The following SPECC1 variants were observed in gnomAD, a reference collection of about 807,000 sequenced individuals.
The protein encoded by SPECC1 is sperm antigen with calponin homology and coiled-coil domains 1, also known as cytospin-B.
SPECC1 carries 62 observed loss-of-function variants against 104.1 expected under a neutral mutation model. The observed-to-expected ratio is 0.60, with a 90% CI of 0.49 to 0.74. SPECC1 has a LOEUF of 0.74. Ranked by LOEUF, SPECC1 falls within the 30% of genes least tolerant of loss-of-function variation. The pLI, the probability that SPECC1 is intolerant of heterozygous loss-of-function variation, is 0.00. For missense variants in SPECC1, 1,306 were observed against 1,310.5 expected (o/e 1.00, Z 0.05); for synonymous variants, 513 against 501.6 (o/e 1.02, Z -0.30).
Position 20,317,535 on chromosome 17 carries a change from AG to A in SPECC1, c.*3474del, listed in dbSNP as rs1413008424. Reference sequence around the variant, plus strand: ...CAACCTCCCAAAGTGCTGGGACTACAGGGGTAAGCCACCGCGCCTGGCCCAA... The same window carrying A: ...CAACCTCCCAAAGTGCTGGGACTACAGGGTAAGCCACCGCGCCTGGCCCAA... On this transcript the variant is annotated 3_prime_UTR_variant, in exon 15 of 15. Coordinates refer to ENST00000395527, the MANE Select transcript of SPECC1 (RefSeq NM_001243439.2). 5.3e-6 allele frequency: 1 copy of A among 187,178 alleles called. No homozygotes were observed. Among genetic ancestry groups the A allele is most frequent in the Non-Finnish European group, 1.1e-5 (1 of 88,810 alleles). 11.6% of individuals were successfully genotyped at this position (187,178 alleles called of 1,614,324 possible). A position where few individuals can be genotyped will look rare whatever the true frequency, so the allele number is the denominator to read the frequency against.
At chr17:20,052,637 T>C (rs993918797) in intron 1 of SPECC1, among the ~76,000 whole-genome samples, 9 of 152,172 alleles carry the variant, frequency 5.9e-5, no homozygotes, top group African/African-American at 2.2e-4. Flanking sequence ...CTGATGGAGA[T>C]TTCCATAGAG....
At chr17:20,267,156 C>T (rs925782103) in intron 12 of SPECC1, among the ~76,000 whole-genome samples, 3 of 152,178 alleles carry the variant, frequency 2.0e-5, no homozygotes, top group African/African-American at 4.8e-5. Flanking sequence ...CCCTTCCTCA[C>T]ATTCTGCTCA....
chr17:20,045,935 C>T (rs375639108), intron 1 of SPECC1, among the ~76,000 whole-genome samples: 6 of 151,522 alleles, frequency 4.0e-5, no homozygotes, highest in Admixed American at 3.9e-4. Context: ...CTTTTCCTCC[C>T]CCTCTGTTAA....
At position 20,313,976 on chromosome 17, in the gene SPECC1, G is replaced by A. The variant is rs767464509; in HGVS notation, c.3118G>A (p.Glu1040Lys). The change falls in exon 15 of 15, where the codon GAA becomes AAA. Residue 1040 changes from glutamate (E) to lysine (K), a missense_variant and splice_region_variant. Coordinates refer to ENST00000395527, the MANE Select transcript of SPECC1 (RefSeq NM_001243439.2). ...AESVGIKPSLELSEMLYTDRP... is the reference protein window; with the variant it reads ...AESVGIKPSLKLSEMLYTDRP... ...TGTCCCCCATTCCCTTCCCCTGCAG[G>A]AACTCAGCGAGATGCTGTACACAGA... The A allele has an allele frequency of 6.2e-7, 1 of 1,614,064 alleles. No individual in the cohort carries two copies. Among genetic ancestry groups the A allele is most frequent in the South Asian group, 1.1e-5 (1 of 91,046 alleles).
At chr17:20,026,551 T>C (rs558245115) in intron 1 of SPECC1, among the ~76,000 whole-genome samples, 1 of 150,066 alleles carries the variant, frequency 6.7e-6, no homozygotes, top group East Asian at 2.0e-4. Flanking sequence ...CTTTTTGTGC[T>C]TTACTTATTT....
intron 3 of SPECC1, among the ~76,000 whole-genome samples, chr17:20,158,705 T>A (rs1348496939): frequency 6.6e-6 from 1 of 152,242 alleles, no homozygotes; most frequent in Non-Finnish European, 1.5e-5. Flanking sequence ...TGCCAACAGC[T>A]GGAAGCTGTC....
At chr17:20,273,981 G>A (rs536704673) in intron 12 of SPECC1, among the ~76,000 whole-genome samples, 2 of 152,252 alleles carry the variant, frequency 1.3e-5, no homozygotes, top group East Asian at 3.9e-4. Context: ...CCATCAGCCT[G>A]GAGGCCTCAG....
At chr17:20,141,381 CTCT>C (rs1488870140) in intron 3 of SPECC1, among the ~76,000 whole-genome samples, 1 of 152,164 alleles carries the variant, frequency 6.6e-6, no homozygotes, top group South Asian at 2.1e-4. Context: ...CCTTTATCTC[CTCT>C]TCTTCAAAGA....
intron 1 of SPECC1, among the ~76,000 whole-genome samples, chr17:20,033,941 T>A (rs948297963): frequency 1.3e-5 from 2 of 152,208 alleles, no homozygotes; most frequent in Admixed American, 1.3e-4. Flanking sequence ...GCTCTCTTCC[T>A]AAACAGTTAG....
In SPECC1 at chr17:20,032,396, A is replaced by T. The variant is rs560173209; in HGVS notation, c.-22+22972A>T. ...TCTGCTTCCGGTACTCTCAGTATGC[A>T]TATGTTAATGTGATTAATGGTGTGC... is the stretch of plus-strand genomic sequence containing the variant. On this transcript the variant is annotated intron_variant, in intron 1 of 14. Transcript: ENST00000395527. Among the ~76,000 whole-genome samples, 31 of 133,068 alleles carry T rather than the reference A, an allele frequency of 2.3e-4. No homozygotes were observed. In the South Asian group the frequency reaches 5.7e-3, roughly 25 times the overall value. 87.3% of individuals were successfully genotyped at this position (133,068 alleles called of 152,430 possible).
chr17:20,093,958 T>G (rs2047528171), intron 1 of SPECC1, among the ~76,000 whole-genome samples: 1 of 152,044 alleles, frequency 6.6e-6, no homozygotes, highest in South Asian at 2.1e-4. Context: ...CTCGAACTCC[T>G]GAGCACAGGC....
At chr17:20,158,231 A>G (rs950079563) in intron 3 of SPECC1, among the ~76,000 whole-genome samples, 5 of 152,190 alleles carry the variant, frequency 3.3e-5, no homozygotes, top group African/African-American at 1.2e-4. Context: ...CCAAAAGGAT[A>G]TAAGGGGGAA....
chr17:20,099,511 C>CAAA (rs56285234), intron 2 of SPECC1, among the ~76,000 whole-genome samples: 8 of 91,778 alleles, frequency 8.7e-5, no homozygotes, highest in Admixed American at 1.3e-4. Context: ...TGTCTTTACC[C>CAAA]AAAAAAAAAA....
In SPECC1 at chr17:20,285,831, T is replaced by C. The variant is rs1413417968; in HGVS notation, c.2941-11130T>C. Among the ~76,000 whole-genome samples the C allele has an allele frequency of 9.2e-4, 139 of 151,440 alleles. 1 individual carries two copies. Among genetic ancestry groups the C allele is most frequent in the Non-Finnish European group, 1.3e-3 (85 of 67,766 alleles). Reference sequence around the variant, plus strand: ...TCTTCCTTCCTTCCTTTTTTTTTTTTTGATAGGGTCTCGCTCTACCACCCA... The same window carrying C: ...TCTTCCTTCCTTCCTTTTTTTTTTTCTGATAGGGTCTCGCTCTACCACCCA... On this transcript the variant is annotated intron_variant, in intron 12 of 14. Transcript: ENST00000395527.
intron 12 of SPECC1, among the ~76,000 whole-genome samples, chr17:20,285,457 T>G (rs951487916): frequency 3.3e-5 from 5 of 152,198 alleles, no homozygotes; most frequent in African/African-American, 1.2e-4. Flanking sequence ...ATAACCAGTT[T>G]TGGAGATGGT....
chr17:20,077,449 CT>C (rs939295547), intron 1 of SPECC1, among the ~76,000 whole-genome samples: 3 of 151,208 alleles, frequency 2.0e-5, no homozygotes, highest in East Asian at 1.9e-4. Flanking sequence ...GCTTTTGTGG[CT>C]TTTTTTTGTT....
intron 1 of SPECC1, among the ~76,000 whole-genome samples, chr17:20,087,733 G>A (rs1343184729): frequency 2.6e-5 from 4 of 152,162 alleles, no homozygotes; most frequent in Non-Finnish European, 5.9e-5. Flanking sequence ...CTGCTATCAC[G>A]GACCTTCCCT....
At chr17:20,313,659 A>C (rs901736229) in intron 14 of SPECC1, among the ~76,000 whole-genome samples, 1 of 152,228 alleles carries the variant, frequency 6.6e-6, no homozygotes, top group Non-Finnish European at 1.5e-5. Flanking sequence ...AGAAACTTGG[A>C]AATCATTTTA....
chr17:20,029,263 T>C (rs1036311485), intron 1 of SPECC1, among the ~76,000 whole-genome samples: 19 of 152,208 alleles, frequency 1.2e-4, no homozygotes, highest in African/African-American at 4.1e-4. Context: ...GTTTTTATTC[T>C]TTTTGATGTT....
Sources: gnomAD v4.1 joint callset for allele counts (sites outside exome capture counted in the v4.1 genomes callset) on GRCh38, gnomAD v4.1.1 for gene constraint, MANE v1.5 for transcripts, NCBI Gene and HGNC (gene_info 2026-07-23, HGNC 2026-07-21) for gene names.